The following ABCF2 variants were observed in gnomAD, a reference collection of about 807,000 sequenced individuals.
The protein encoded by ABCF2 is ATP-binding cassette sub-family F member 2.
A neutral mutation model predicts 76.9 loss-of-function variants in ABCF2; 37 were observed. The observed-to-expected ratio is 0.48, with a 90% CI of 0.37 to 0.63. The LOEUF (loss-of-function observed/expected upper bound fraction) is 0.63, where lower values mean the gene tolerates loss of function less well. Among genes scored for constraint, ABCF2 ranks in the 30% least tolerant of loss-of-function variants. The pLI is 0.00. For missense variants in ABCF2, 524 were observed against 782.1 expected (o/e 0.67, Z 3.94); for synonymous variants, 299 against 283.7 (o/e 1.05, Z -0.54).
At chr7:151,226,730 T>A (rs958212708) in intron 1 of ABCF2, 41 of 328,024 alleles carry the variant, frequency 1.2e-4, no homozygotes, top group African/African-American at 8.6e-4. Context: ...CCCCACGGAC[T>A]GCCTCACTTT....
chr7:151,219,150 C>T lies in ABCF2; in HGVS notation c.931G>A (p.Asp311Asn). ...KKLKYYTGNY[D>N]QYVKTRLELE... The stretch of plus-strand genomic sequence containing the variant: ...TCTAGCCGCGTCTTCACGTACTGAT[C>T]ATAATTACCCTGCATGGAAATGTGC... The change falls in exon 8 of 15, where the codon GAT becomes AAT. Residue 311 changes from aspartate to asparagine, a missense_variant. Coordinates refer to ENST00000287844, the MANE Select transcript of ABCF2 (RefSeq NM_007189.3). The T allele has an allele frequency of 1.2e-6, 2 of 1,613,944 alleles. No homozygotes were observed. The highest frequency in any genetic ancestry group is 2.7e-5 in the African/African-American group (2 of 75,020).
In ABCF2 at chr7:151,224,953, C is replaced by G; in HGVS notation, c.190G>C (p.Glu64Gln). The change falls in exon 3 of 15, where the codon GAG becomes CAG. Residue 64 changes from glutamate to glutamine, a missense_variant. Coordinates refer to ENST00000287844, the MANE Select transcript of ABCF2 (RefSeq NM_007189.3). ...DLLTKELEDF[E>Q]MKKAAARAVT... ...GCTCGAGCAGCAGCTTTCTTCATCT[C>G]AAAGTCCTCTAGCTCCTTGGTCAGC... 2 of 1,614,216 alleles carry G rather than the reference C, an allele frequency of 1.2e-6. No homozygotes were observed. The highest frequency in any genetic ancestry group is 1.7e-6 in the Non-Finnish European group (2 of 1,180,048).
Position 151,222,875 on chromosome 7 carries a change from G to T in ABCF2, c.723-259C>A, listed in dbSNP as rs532534753. ...GGCAAGGCTGTAGAAGTCTTTATGA[G>T]TTTATGAGCCTTGTGCACTGAAGTT... On this transcript the variant is annotated intron_variant, in intron 5 of 14. Coordinates refer to ENST00000287844, the MANE Select transcript of ABCF2 (RefSeq NM_007189.3). 2.6e-5 allele frequency among the ~76,000 whole-genome samples: 4 copies of T among 152,306 alleles called. 1 individual carries two copies. Among genetic ancestry groups the T allele is most frequent in the South Asian group, 4.1e-4 (2 of 4,828 alleles).
chr7:151,215,832 G>C lies in ABCF2; in HGVS notation c.1402-100C>G. 1 of 1,595,672 alleles carries C rather than the reference G, an allele frequency of 6.3e-7. No individual in the cohort carries two copies. Among genetic ancestry groups the C allele is most frequent in the South Asian group, 1.1e-5 (1 of 89,478 alleles). On this transcript the variant is annotated intron_variant, in intron 12 of 14. Coordinates refer to ENST00000287844, the MANE Select transcript of ABCF2 (RefSeq NM_007189.3). This position sits in a 1 kb window ranked among gnomAD's most constrained non-coding sequence, Gnocchi z 4.6. The stretch of plus-strand genomic sequence containing the variant: ...ATTTCTATCCCAGGCACCTGTTCTG[G>C]GTTCAAGAAGCAGGTAGGAGCCACC...
chr7:151,225,990 T>C (rs947090075), intron 2 of ABCF2, among the ~76,000 whole-genome samples: 5 of 152,126 alleles, frequency 3.3e-5, no homozygotes, highest in African/African-American at 9.7e-5. Flanking sequence ...ACCTGGCACA[T>C]TGGTCACCAT....
intron 7 of ABCF2, 145 bp downstream of exon 7, chr7:151,221,433 C>G: frequency 1.8e-6 from 1 of 544,404 alleles, no homozygotes; most frequent in East Asian, 3.4e-5. Flanking sequence ...AACTCCTGAC[C>G]TCAAGTGACC....
Position 151,213,994 on chromosome 7 carries a change from G to T in ABCF2, c.*60C>A. ...CCCAGGGTCCTGTCCTGAGCGGCTG[G>T]TCAGGTTAGCAGCTGTTAGTTCCCA... On this transcript the variant is annotated 3_prime_UTR_variant, in exon 15 of 15. Coordinates refer to ENST00000287844, the MANE Select transcript of ABCF2 (RefSeq NM_007189.3). The T allele has an allele frequency of 6.2e-7, 1 of 1,600,830 alleles. No homozygotes were observed. Among genetic ancestry groups the T allele is most frequent in the Non-Finnish European group, 8.5e-7 (1 of 1,174,632 alleles).
intron 7 of ABCF2, 76 bp downstream of exon 7, chr7:151,221,500 CTT>C (rs376711339): frequency 7.8e-3 from 6,241 of 801,050 alleles, no homozygotes; most frequent in East Asian, 0.01. Context: ...CCACACCAGC[CTT>C]TTTTTTTTTT....
In ABCF2 at chr7:151,221,673, G is replaced by T. The variant is rs1239651841; in HGVS notation, c.826C>A (p.Arg276Ser). ...WLEEELKTFK[R>S]ILVLVSHSQD... ...GAATGGGAGACGAGGACCAAGATGC[G>T]CTTAAAACTGTAAAGCCAAAGAACC... The change falls in exon 7 of 15, where the codon CGC becomes AGC. Residue 276 changes from arginine (R) to serine (S), a missense_variant. Arg to Ser is a moderately radical substitution (Grantham distance 110). Transcript: ENST00000287844. 1 of 1,608,570 alleles carries T rather than the reference G, an allele frequency of 6.2e-7. No individual in the cohort carries two copies. The highest frequency in any genetic ancestry group is 8.5e-7 in the Non-Finnish European group (1 of 1,175,118).
chr7:151,221,111 T>G (rs767734105), intron 7 of ABCF2, among the ~76,000 whole-genome samples: 5 of 152,166 alleles, frequency 3.3e-5, no homozygotes, highest in Non-Finnish European at 7.3e-5. Flanking sequence ...CTGAAAGCAA[T>G]GACTTTGGGA....
chr7:151,223,824 G>C lies in ABCF2; in HGVS notation c.576C>G (p.Leu192=). 1 of 1,613,554 alleles carries C rather than the reference G, an allele frequency of 6.2e-7. No homozygotes were observed. Among genetic ancestry groups the C allele is most frequent in the Non-Finnish European group, 8.5e-7 (1 of 1,179,648 alleles). ...EDAECEKLME[L]YERLEELDAD... ...CATCCAGCTCCTCCAGGCGCTCGTA[G>C]AGCTCCATGAGCTTCTCACACTCCG... is the stretch of plus-strand genomic sequence containing the variant. The change falls in exon 5 of 15, where the codon CTC becomes CTG. Residue 192 remains leucine, a synonymous_variant. Transcript: ENST00000287844.
At position 151,226,352 on chromosome 7, in the gene ABCF2, T is replaced by A. The variant is rs1434625952; in HGVS notation, c.107A>T (p.Glu36Val). 3.1e-6 allele frequency: 5 copies of A among 1,614,046 alleles called. No individual in the cohort carries two copies. Among genetic ancestry groups the A allele is most frequent in the Non-Finnish European group, 4.2e-6 (5 of 1,180,012 alleles). Residue 36 changes from glutamate to valine, a missense_variant, in exon 2 of 15, where the codon GAA becomes GTA. Around this residue, in one of 2 missense-constraint regions of ABCF2, gnomAD observed 330 missense variants for 433.6 expected, o/e 0.76. Coordinates refer to ENST00000287844, the MANE Select transcript of ABCF2 (RefSeq NM_007189.3). ...GHEENGDVVT[E>V]PQVAEKNEAN... is the part of the protein sequence containing the mutation. ...CTCATTCTTCTCTGCCACCTGTGGT[T>A]CTGTGACAACATCTCCATTTTCTTC...
chr7:151,221,861 G>A (rs1802275756), intron 6 of ABCF2, 181 bp from the exon 7 acceptor site: 1 of 542,538 alleles, frequency 1.8e-6, no homozygotes, highest in South Asian at 2.1e-5. Context: ...GTATTTGGAC[G>A]CCTTTCAGTG....
chr7:151,211,656 A>C lies in ABCF2; in HGVS notation c.*2398T>G. On this transcript the variant is annotated 3_prime_UTR_variant, in exon 15 of 15. Transcript: ENST00000287844. ...TCCCGAGACTACCTGAATTCTTAGC[A>C]ATATCCAGCACTTCCTTAAGTATCA... 1.0e-6 allele frequency: 1 copy of C among 985,402 alleles called. No homozygotes were observed. Among genetic ancestry groups the C allele is most frequent in the Non-Finnish European group, 1.2e-6 (1 of 829,928 alleles). 61.0% of individuals were successfully genotyped at this position (985,402 alleles called of 1,614,324 possible).
chr7:151,214,791 G>T lies in ABCF2; in HGVS notation c.1734+88C>A. The T allele has an allele frequency of 1.6e-6, 2 of 1,262,086 alleles. No homozygotes were observed. Among genetic ancestry groups the T allele is most frequent in the East Asian group, 2.3e-5 (1 of 42,790 alleles). 78.2% of individuals were successfully genotyped at this position (1,262,086 alleles called of 1,614,324 possible). ...AGCCCCTTCTCTTAATTCAGTAGGC[G>T]GGTATTATGCACCCTCCACATGCCA... On this transcript the variant is annotated intron_variant, in intron 14 of 14. Transcript: ENST00000287844. The surrounding 1 kb of genome is among the most constrained non-coding windows in gnomAD (Gnocchi z 4.9).
chr7:151,223,650 G>C (rs768684975), intron 5 of ABCF2, 28 bp downstream of exon 5: 15 of 1,563,408 alleles, frequency 9.6e-6, no homozygotes, highest in Non-Finnish European at 1.3e-5. Context: ...GGGGAGTTAT[G>C]GGGGTAGGGA....
At position 151,215,593 on chromosome 7, in the gene ABCF2, C is replaced by T; in HGVS notation, c.1530+11G>A. The T allele has an allele frequency of 6.2e-7, 1 of 1,613,996 alleles. No homozygotes were observed. Among genetic ancestry groups the T allele is most frequent in the Non-Finnish European group, 8.5e-7 (1 of 1,179,934 alleles). ...CTATCTGGCATCCTCACCACACCCT[C>T]CTTTACTGACCTGTTGTTTCCCAGT... On this transcript the variant is annotated intron_variant, in intron 13 of 14. Transcript: ENST00000287844. The surrounding 1 kb of genome is among the most constrained non-coding windows in gnomAD (Gnocchi z 4.6).
In ABCF2 at chr7:151,219,087, G is replaced by A; in HGVS notation, c.994C>T (p.Gln332Ter). ...ACCTTCATGTGTGCAATCTGATCTT[G>A]CTCCCAGTGAAACCTCTTCATCTGG... is the stretch of plus-strand genomic sequence containing the variant. ...ENQMKRFHWE[Q>*]DQIAHMKNYI... is the part of the protein sequence containing the mutation. The change falls in exon 8 of 15, where the codon CAA (glutamine) becomes TAA (stop). Residue 332 changes from glutamine to a stop codon, truncating the protein, a stop_gained. Coordinates refer to ENST00000287844, the MANE Select transcript of ABCF2 (RefSeq NM_007189.3). LOFTEE classifies it high-confidence loss of function. 6.2e-7 allele frequency: 1 copy of A among 1,614,028 alleles called. No individual in the cohort carries two copies. The highest frequency in any genetic ancestry group is 8.5e-7 in the Non-Finnish European group (1 of 1,179,984).
At chr7:151,224,409 G>A (rs758952105) in intron 3 of ABCF2, among the ~76,000 whole-genome samples, 14 of 152,186 alleles carry the variant, frequency 9.2e-5, no homozygotes, top group Admixed American at 2.6e-4. Context: ...CAGGGTGGAC[G>A]CACCCTAATC....
Sources: gnomAD v4.1 joint callset for allele counts (sites outside exome capture counted in the v4.1 genomes callset) on GRCh38, gnomAD v4.1.1 for gene constraint, gnomAD v4.1.1 regional missense constraint, Gnocchi (gnomAD v3.1) non-coding constraint, MANE v1.5 for transcripts, NCBI Gene and HGNC (gene_info 2026-07-23, HGNC 2026-07-21) for gene names.